Variants in SNRPN observed in about 807,000 individuals in gnomAD.
SNRPN encodes small nuclear ribonucleoprotein polypeptide N.
A neutral mutation model predicts 25.2 loss-of-function variants in SNRPN; 7 were observed. That is an observed-to-expected ratio of 0.28 (90% CI 0.16 to 0.52). The LOEUF is 0.52. Ranked by LOEUF, SNRPN falls within the 20% of genes least tolerant of loss-of-function variation. The probability of loss-of-function intolerance (pLI) is 0.96; values close to 1 mark genes in which losing one functional copy is unlikely to be tolerated. For missense variants in SNRPN, 196 were observed against 322.5 expected (o/e 0.61, Z 3.00); for synonymous variants, 124 against 110.6 (o/e 1.12, Z -0.76).
intron 3 of SNRPN, among the ~76,000 whole-genome samples, chr15:24,941,107 G>A (rs990525985): frequency 6.6e-6 from 1 of 152,140 alleles, no homozygotes; most frequent in Non-Finnish European, 1.5e-5. Context: ...CTCCTGAGTA[G>A]CTGAGACCAC....
intron 1 of SNRPN, among the ~76,000 whole-genome samples, chr15:24,877,698 A>ACACACT (rs1491491452): frequency 8.2e-6 from 1 of 121,458 alleles, no homozygotes; most frequent in Non-Finnish European, 1.9e-5. Context: ...ACACACACAA[A>ACACACT]CACACTAGCC....
chr15:24,937,386 A>C lies in SNRPN; in HGVS notation c.-391+17262A>C, dbSNP rs534402757. ...AAAAACGAAAAAGCAAGACAAAAAC[A>C]AAACAGGCATGGTGATGTGCACCTG... On this transcript the variant is annotated intron_variant, in intron 3 of 11. Coordinates refer to the SNRPN transcript ENST00000400097. Among the ~76,000 whole-genome samples, 9 of 152,244 alleles carry C rather than the reference A, an allele frequency of 5.9e-5. No individual in the cohort carries two copies. The South Asian group carries it at 1.9e-3, about 32-fold the overall frequency.
chr15:24,921,849 G>A (rs566331814), intron 3 of SNRPN, among the ~76,000 whole-genome samples: 4 of 152,128 alleles, frequency 2.6e-5, no homozygotes, highest in African/African-American at 4.8e-5. Context: ...TACTTATTCT[G>A]TATCAGCCAC....
chr15:24,966,494 G>A (rs1384633927), intron 2 of SNRPN, among the ~76,000 whole-genome samples: 1 of 152,122 alleles, frequency 6.6e-6, no homozygotes, highest in Non-Finnish European at 1.5e-5. Context: ...ACTGAATTCA[G>A]TCAGCAACTC....
intron 2 of SNRPN, among the ~76,000 whole-genome samples, chr15:24,838,894 C>T (rs145443274): frequency 7.9e-4 from 120 of 152,124 alleles, no homozygotes; most frequent in African/African-American, 2.9e-3. Flanking sequence ...TTGGGGAACA[C>T]TGCCATAAAA....
intron 3 of SNRPN, among the ~76,000 whole-genome samples, chr15:24,949,612 A>G (rs1038474292): frequency 6.6e-6 from 1 of 152,016 alleles, no homozygotes; most frequent in African/African-American, 2.4e-5. Context: ...GATTGTGCCA[A>G]TGCACTCCAG....
At chr15:24,891,955 AT>A (rs1316296147) in intron 2 of SNRPN, among the ~76,000 whole-genome samples, 2 of 152,128 alleles carry the variant, frequency 1.3e-5, no homozygotes, top group African/African-American at 2.4e-5. Context: ...TCCATTTCAT[AT>A]TTTTTCCCTA....
At chr15:24,920,378 G>A (rs1402980639) in intron 3 of SNRPN, 1 of 152,156 alleles carries the variant, frequency 6.6e-6, no homozygotes, top group African/African-American at 2.4e-5. Flanking sequence ...CCTCTGGCAA[G>A]AGCAGTCATT....
chr15:24,977,645 AC>A (rs1182866906), intron 7 of SNRPN, 132 bp from the exon 8 acceptor site: 2 of 892,242 alleles, frequency 2.2e-6, no homozygotes, highest in Non-Finnish European at 3.2e-6. Context: ...TCAAAAAAAA[AC>A]ATGGGAATAA....
intron 2 of SNRPN, among the ~76,000 whole-genome samples, chr15:24,845,985 T>C (rs200423393): frequency 2.0e-5 from 3 of 151,764 alleles, no homozygotes; most frequent in South Asian, 4.2e-4. Flanking sequence ...CTCAGGAGGC[T>C]AAGGCAGGAG....
At chr15:24,917,479 A>G (rs2059600355) in intron 2 of SNRPN, among the ~76,000 whole-genome samples, 1 of 152,272 alleles carries the variant, frequency 6.6e-6, no homozygotes, top group Admixed American at 6.5e-5. Flanking sequence ...AGATTACTGC[A>G]TAAGGTTTCA....
chr15:24,918,623 T>C (rs190971194), intron 2 of SNRPN, among the ~76,000 whole-genome samples: 7 of 97,914 alleles, frequency 7.1e-5, no homozygotes, highest in East Asian at 2.5e-4. Context: ...TATATATGTG[T>C]GTATATATAA....
intron 1 of SNRPN, among the ~76,000 whole-genome samples, chr15:24,864,653 T>TG (rs200335476): frequency 0.02 from 3,049 of 151,776 alleles, 101 homozygotes; most frequent in African/African-American, 0.07. Flanking sequence ...CAATGTTTTT[T>TG]TTTGTTTGTT....
At chr15:24,870,434 A>C (rs2054984363) in intron 1 of SNRPN, among the ~76,000 whole-genome samples, 1 of 152,136 alleles carries the variant, frequency 6.6e-6, no homozygotes, top group Admixed American at 6.5e-5. Context: ...ATTCCTACTA[A>C]TGTCTCCAGC....
intron 2 of SNRPN, among the ~76,000 whole-genome samples, chr15:24,915,300 G>C (rs2059444339): frequency 6.6e-6 from 1 of 151,772 alleles, no homozygotes; most frequent in African/African-American, 2.4e-5. Context: ...GCTAATTTTT[G>C]TATTTTTAGT....
intron 3 of SNRPN, among the ~76,000 whole-genome samples, chr15:24,935,916 C>A (rs1011948345): frequency 2.0e-5 from 3 of 152,012 alleles, no homozygotes; most frequent in African/African-American, 7.2e-5. Flanking sequence ...CAGTTCAAGA[C>A]CAGCCTGGCC....
intron 2 of SNRPN, among the ~76,000 whole-genome samples, chr15:24,903,118 A>C (rs998629390): frequency 3.9e-5 from 6 of 152,210 alleles, no homozygotes; most frequent in African/African-American, 1.4e-4. Context: ...CACCCAACCC[A>C]GAAGCCCAGC....
At chr15:24,854,495 C>T (rs367847093), upstream of SNRPN, among the ~76,000 whole-genome samples, 2 of 152,260 alleles carry the variant, frequency 1.3e-5, no homozygotes, top group Admixed American at 6.5e-5. Flanking sequence ...GTTGATTGCT[C>T]ATATTTCTTA....
Position 24,836,188 on chromosome 15 carries a change from A to G in SNRPN, c.-579+6283A>G, listed in dbSNP as rs557565890. On this transcript the variant is annotated intron_variant, in intron 2 of 12. Transcript: ENST00000400100. ...ACATCCCTGGTTCTCTCATCCAAGCATTCTATTCTTATAGGGACACCAGGC... is the reference window on the plus strand; with the variant it reads ...ACATCCCTGGTTCTCTCATCCAAGCGTTCTATTCTTATAGGGACACCAGGC... 1.6e-4 allele frequency among the ~76,000 whole-genome samples: 25 copies of G among 152,088 alleles called. 1 individual carries two copies. The highest frequency in any genetic ancestry group is 6.0e-4 in the African/African-American group (25 of 41,404).
Sources: allele counts gnomAD v4.1 joint callset (sites outside exome capture counted in the v4.1 genomes callset), GRCh38; gene constraint gnomAD v4.1.1; transcripts MANE v1.5; gene names NCBI Gene and HGNC (gene_info 2026-07-23, HGNC 2026-07-21).